The following VWA8 variants were observed in gnomAD, a reference collection of about 807,000 sequenced individuals.
VWA8 encodes von Willebrand factor A domain containing 8.
A neutral mutation model predicts 241.5 loss-of-function variants in VWA8; 221 were observed. The observed-to-expected ratio is 0.91, with a 90% CI of 0.82 to 1.02. The LOEUF is 1.02. Ranked by LOEUF, VWA8 falls within the 50% of genes least tolerant of loss-of-function variation. The pLI is 0.00. For missense variants in VWA8, 2,322 were observed against 2,328.7 expected (o/e 1.00, Z 0.06); for synonymous variants, 852 against 827.1 (o/e 1.03, Z -0.52).
chr13:41,864,542 C>A, intron 12 of VWA8: 1 of 400,684 alleles, frequency 2.5e-6, no homozygotes, highest in Non-Finnish European at 4.9e-6. Flanking sequence ...ATGGATAAAT[C>A]TTGAAAACAT....
intron 28 of VWA8, 63 bp downstream of exon 28, chr13:41,701,329 T>C: frequency 6.7e-7 from 1 of 1,485,562 alleles, no homozygotes; most frequent in South Asian, 1.5e-5. Flanking sequence ...TAGAGATTAT[T>C]TTAATCCATC....
intron 18 of VWA8, among the ~76,000 whole-genome samples, chr13:41,784,709 T>TACATATACATATACATATACATATAC (rs1566456249): frequency 1.3e-4 from 8 of 60,254 alleles, no homozygotes; most frequent in Non-Finnish European, 1.9e-4. Context: ...TATATATATA[T>TACATATACATATACATATACATATAC]ATATATATAT....
In VWA8 at chr13:41,701,637, C is replaced by T. The variant is rs2045250763; in HGVS notation, c.3226-107G>A. 2.9e-6 allele frequency: 3 copies of T among 1,041,874 alleles called. No individual in the cohort carries two copies. In the South Asian group the frequency reaches 7.3e-5, roughly 25 times the overall value. 64.5% of individuals were successfully genotyped at this position (1,041,874 alleles called of 1,614,324 possible). A position where few individuals can be genotyped will look rare whatever the true frequency, so the allele number is the denominator to read the frequency against. On this transcript the variant is annotated intron_variant, in intron 27 of 44. Coordinates refer to ENST00000379310, the MANE Select transcript of VWA8 (RefSeq NM_015058.2). ...ACTTTAACATTCAAGTATTTAATAT[C>T]CTGCTATACCTTTTTTCAATTTATT...
intron 3 of VWA8, 29 bp from the exon 4 acceptor site, chr13:41,907,725 A>G (rs1276206419): frequency 2.5e-6 from 4 of 1,588,182 alleles, no homozygotes; most frequent in Admixed American, 3.3e-5. Context: ...AATTATTCCA[A>G]AAATAAAATC....
chr13:41,818,538 G>A (rs1378302714), intron 15 of VWA8, among the ~76,000 whole-genome samples: 1 of 151,928 alleles, frequency 6.6e-6, no homozygotes, highest in Non-Finnish European at 1.5e-5. Flanking sequence ...ACTCCAGCGT[G>A]GGCAATAGAG....
chr13:41,887,473 A>C, intron 5 of VWA8, 112 bp from the exon 6 acceptor site: 7 of 1,174,540 alleles, frequency 6.0e-6, no homozygotes, highest in Non-Finnish European at 8.2e-6. Context: ...TGTATTGGAG[A>C]ACACTCTCAA....
chr13:41,837,093 A>T (rs995929055), intron 12 of VWA8, among the ~76,000 whole-genome samples: 1 of 150,026 alleles, frequency 6.7e-6, no homozygotes, highest in Non-Finnish European at 1.5e-5. Flanking sequence ...ATTTTTAAAA[A>T]ATATTTTGTA....
intron 37 of VWA8, among the ~76,000 whole-genome samples, chr13:41,636,047 A>G (rs145812181): frequency 6.6e-6 from 1 of 152,324 alleles, no homozygotes; most frequent in African/African-American, 2.4e-5. Flanking sequence ...GAATAAACCA[A>G]TCAGAGCACA....
At chr13:41,901,839 C>T (rs1391883567) in intron 4 of VWA8, among the ~76,000 whole-genome samples, 7 of 114,544 alleles carry the variant, frequency 6.1e-5, no homozygotes, top group Non-Finnish European at 1.0e-4. Context: ...GCACTCCAGC[C>T]TGGGTGACAG....
At chr13:41,654,680 G>A (rs1050971199) in intron 37 of VWA8, among the ~76,000 whole-genome samples, 1 of 152,186 alleles carries the variant, frequency 6.6e-6, no homozygotes, top group Non-Finnish European at 1.5e-5. Flanking sequence ...TGGGCCTGGG[G>A]CACTGGGGAC....
At chr13:41,705,127 G>T (rs2045274700) in intron 26 of VWA8, among the ~76,000 whole-genome samples, 1 of 152,100 alleles carries the variant, frequency 6.6e-6, no homozygotes, top group Admixed American at 6.5e-5. Flanking sequence ...AAATTAAAAA[G>T]AAATTTACAT....
chr13:41,825,606 A>G (rs539921031), intron 14 of VWA8, among the ~76,000 whole-genome samples: 101 of 152,298 alleles, frequency 6.6e-4, no homozygotes, highest in Non-Finnish European at 1.2e-3. Flanking sequence ...TTCCTCTTAA[A>G]AAAGCAAAAC....
chr13:41,669,770 T>C (rs1427640282), intron 37 of VWA8, among the ~76,000 whole-genome samples: 1 of 152,170 alleles, frequency 6.6e-6, no homozygotes, highest in African/African-American at 2.4e-5. Context: ...AAGAAACTAA[T>C]GTTTAGAATA....
intron 9 of VWA8, among the ~76,000 whole-genome samples, chr13:41,871,589 AATG>A (rs1372894929): frequency 1.2e-4 from 19 of 152,074 alleles, no homozygotes; most frequent in Non-Finnish European, 2.1e-4. Context: ...GTTTACTGAG[AATG>A]ATGATTTCCA....
intron 26 of VWA8, among the ~76,000 whole-genome samples, chr13:41,705,281 T>G (rs9566826): frequency 0.036 from 5,070 of 141,010 alleles, 154 homozygotes; most frequent in East Asian, 0.1. Context: ...CAGGAAAGAA[T>G]GTGTGTGTGC....
Position 41,567,842 on chromosome 13 carries a change from T to C in VWA8, c.*355A>G, listed in dbSNP as rs1365299461. On this transcript the variant is annotated 3_prime_UTR_variant, in exon 45 of 45. Coordinates refer to ENST00000379310, the MANE Select transcript of VWA8 (RefSeq NM_015058.2). Reference sequence around the variant, plus strand: ...GGGTCACTTTTCTAACGTGACCAGATGATGTGTTAAGGCAAAAGCAAAGTA... The same window carrying C: ...GGGTCACTTTTCTAACGTGACCAGACGATGTGTTAAGGCAAAAGCAAAGTA... 2 of 180,702 alleles carry C rather than the reference T, an allele frequency of 1.1e-5. No homozygotes were observed. Among genetic ancestry groups the C allele is most frequent in the Non-Finnish European group, 2.3e-5 (2 of 86,640 alleles). The allele number at this position is 180,702 out of a possible 1,614,324, so 11.2% of individuals were successfully genotyped here. A position where few individuals can be genotyped will look rare whatever the true frequency, so the allele number is the denominator to read the frequency against.
At chr13:41,678,367 T>C (rs904174548) in intron 35 of VWA8, among the ~76,000 whole-genome samples, 4 of 152,264 alleles carry the variant, frequency 2.6e-5, no homozygotes, top group African/African-American at 9.6e-5. Context: ...ACACACAGTC[T>C]GCATTGGAAA....
At chr13:41,602,690 AT>A (rs1469005113) in intron 40 of VWA8, among the ~76,000 whole-genome samples, 1 of 152,148 alleles carries the variant, frequency 6.6e-6, no homozygotes, top group Non-Finnish European at 1.5e-5. Flanking sequence ...CATGCTAGGC[AT>A]TGTTTAAGCA....
intron 2 of VWA8, among the ~76,000 whole-genome samples, chr13:41,943,383 C>G (rs1484708698): frequency 1.3e-5 from 2 of 151,856 alleles, no homozygotes; most frequent in African/African-American, 4.8e-5. Context: ...AATTTAGAAG[C>G]AGAGATGTAA....
Sources: allele counts gnomAD v4.1 joint callset (sites outside exome capture counted in the v4.1 genomes callset), GRCh38; gene constraint gnomAD v4.1.1; transcripts MANE v1.5; gene names NCBI Gene and HGNC (gene_info 2026-07-23, HGNC 2026-07-21).